Variants in MACROD2 observed in about 807,000 individuals in gnomAD.
MACROD2 encodes the protein ADP-ribose glycohydrolase MACROD2.
A neutral mutation model predicts 70.4 loss-of-function variants in MACROD2; 36 were observed. That is an observed-to-expected ratio of 0.51 (90% CI 0.39 to 0.68). MACROD2 has a LOEUF of 0.68. Ranked by LOEUF, MACROD2 falls within the 30% of genes least tolerant of loss-of-function variation. The pLI, the probability that MACROD2 is intolerant of heterozygous loss-of-function variation, is 0.00. For synonymous variants in MACROD2, 172 were observed against 178.8 expected, an observed-to-expected ratio of 0.96 and a Z score of 0.30; for missense variants, 496 against 538.4, an observed-to-expected ratio of 0.92 and a Z score of 0.78.
chr20:15,642,231 G>A (rs775228138), intron 8 of MACROD2, among the ~76,000 whole-genome samples: 2 of 152,170 alleles, frequency 1.3e-5, no homozygotes, highest in African/African-American at 2.4e-5. Flanking sequence ...AGGGGATTGT[G>A]GCAATAGTTC....
chr20:14,932,499 C>T (rs1233465819), intron 5 of MACROD2, among the ~76,000 whole-genome samples: 1 of 152,158 alleles, frequency 6.6e-6, no homozygotes, highest in African/African-American at 2.4e-5. Flanking sequence ...TCCATACAAA[C>T]ACTTCCATTT....
intron 5 of MACROD2, among the ~76,000 whole-genome samples, chr20:15,095,544 G>T (rs541517859): frequency 6.6e-6 from 1 of 151,858 alleles, no homozygotes; most frequent in South Asian, 2.1e-4. Context: ...TTGAGACAGG[G>T]TCTTGCTCTG....
At chr20:14,214,925 C>T (rs1162718615) in intron 3 of MACROD2, among the ~76,000 whole-genome samples, 1 of 151,586 alleles carries the variant, frequency 6.6e-6, no homozygotes, top group Non-Finnish European at 1.5e-5. Flanking sequence ...ACTGCAAATG[C>T]TGTTAATTCA....
At chr20:15,206,881 C>A (rs1179638076) in intron 5 of MACROD2, among the ~76,000 whole-genome samples, 1 of 150,660 alleles carries the variant, frequency 6.6e-6, no homozygotes, top group Non-Finnish European at 1.5e-5. Context: ...GGACTACAGG[C>A]GCCCGCCACC....
At chr20:14,575,017 CAAAAAAAAA>C (rs1195216470) in intron 4 of MACROD2, among the ~76,000 whole-genome samples, 6 of 49,956 alleles carry the variant, frequency 1.2e-4, no homozygotes, top group Admixed American at 4.7e-4. Context: ...GACTCTGTCT[CAAAAAAAAA>C]AAAAAAAAAA....
intron 8 of MACROD2, among the ~76,000 whole-genome samples, chr20:15,661,601 C>A (rs752281551): frequency 3.9e-5 from 6 of 152,112 alleles, no homozygotes; most frequent in Non-Finnish European, 7.4e-5. Flanking sequence ...TTCTACACTG[C>A]GGTACTGGGG....
chr20:15,737,562 G>T (rs914697479), intron 8 of MACROD2, among the ~76,000 whole-genome samples: 27 of 152,172 alleles, frequency 1.8e-4, no homozygotes, highest in African/African-American at 6.0e-4. Flanking sequence ...AAATGTTCAG[G>T]TCCATTTGTT....
At chr20:15,341,892 A>T (rs984696791) in intron 6 of MACROD2, among the ~76,000 whole-genome samples, 7 of 152,114 alleles carry the variant, frequency 4.6e-5, no homozygotes, top group African/African-American at 1.4e-4. Context: ...CTCTACAAAA[A>T]TTTTTTAAAA....
chr20:15,572,146 G>T (rs1418719899), intron 8 of MACROD2, among the ~76,000 whole-genome samples: 1 of 152,016 alleles, frequency 6.6e-6, no homozygotes, highest in Non-Finnish European at 1.5e-5. Context: ...GCTTTTCACT[G>T]TACAAATATG....
chr20:15,879,241 C>T (rs969984314), intron 9 of MACROD2, among the ~76,000 whole-genome samples: 56 of 152,114 alleles, frequency 3.7e-4, no homozygotes, highest in African/African-American at 1.3e-3. Context: ...TTTAAAAGGG[C>T]TGCAACTCTG....
intron 10 of MACROD2, among the ~76,000 whole-genome samples, chr20:15,897,865 C>T (rs1376353310): frequency 6.6e-6 from 1 of 152,066 alleles, no homozygotes; most frequent in African/African-American, 2.4e-5. Context: ...GTTATTTCCT[C>T]GTGTATTTTG....
chr20:15,162,182 A>T (rs383066), intron 5 of MACROD2, among the ~76,000 whole-genome samples: 2 of 151,808 alleles, frequency 1.3e-5, no homozygotes, highest in African/African-American at 4.8e-5. Flanking sequence ...AAAGTAAAGG[A>T]GATCCCCAAG....
At chr20:14,387,209 T>A (rs1395330444) in intron 3 of MACROD2, among the ~76,000 whole-genome samples, 1 of 152,224 alleles carries the variant, frequency 6.6e-6, no homozygotes, top group Admixed American at 6.5e-5. Context: ...GTGCCATACT[T>A]TTCTGTTTCT....
In MACROD2 at chr20:15,590,632, C is replaced by T. The variant is rs376813594; in HGVS notation, c.645+90785C>T. On this transcript the variant is annotated intron_variant, in intron 8 of 17. Transcript: ENST00000684519. ...GCACGGTGGCTCACGCCTGTAATCC[C>T]AGCACTTTGGGAGGCCGAGGCAGGT... 1.3e-4 allele frequency among the ~76,000 whole-genome samples: 20 copies of T among 152,242 alleles called. No individual in the cohort carries two copies. The East Asian group carries it at 2.5e-3, about 19-fold the overall frequency.
At chr20:15,238,366 A>C (rs1359706188) in intron 6 of MACROD2, among the ~76,000 whole-genome samples, 1 of 152,080 alleles carries the variant, frequency 6.6e-6, no homozygotes, top group East Asian at 1.9e-4. Context: ...GTGTTGTGTC[A>C]CCTTAGTTAA....
rs371278497 is a variant in MACROD2, at chr20:15,191,927, T to TAGAG, written c.419-38012_419-38011insGAGA. On this transcript the variant is annotated intron_variant, in intron 5 of 17. Transcript: ENST00000684519. ...AACTACACATATGTGTATATATATA[T>TAGAG]ATATAGAGAGAGAGAGAGTTAATAC... 3.2e-4 allele frequency among the ~76,000 whole-genome samples: 17 copies of TAGAG among 53,586 alleles called. No individual in the cohort carries two copies. The East Asian group carries it at 0.017, about 54-fold the overall frequency. 35.2% of individuals were successfully genotyped at this position (53,586 alleles called of 152,430 possible). A position where few individuals can be genotyped will look rare whatever the true frequency, so the allele number is the denominator to read the frequency against.
At chr20:16,009,714 G>A (rs1466045509) in intron 15 of MACROD2, among the ~76,000 whole-genome samples, 5 of 151,936 alleles carry the variant, frequency 3.3e-5, no homozygotes, top group Non-Finnish European at 2.9e-5. Context: ...CTGAGATCTT[G>A]CCACTGCACT....
chr20:14,289,833 G>A (rs2082371678), intron 3 of MACROD2, among the ~76,000 whole-genome samples: 1 of 152,158 alleles, frequency 6.6e-6, no homozygotes, highest in African/African-American at 2.4e-5. Context: ...GTGCCACCAT[G>A]CCTGACTCTG....
chr20:15,611,425 C>T (rs1325917090), intron 8 of MACROD2, among the ~76,000 whole-genome samples: 1 of 152,086 alleles, frequency 6.6e-6, no homozygotes, highest in Non-Finnish European at 1.5e-5. Flanking sequence ...GGCATATATG[C>T]TCTGGCCATT....
Sources: allele counts gnomAD v4.1 joint callset (sites outside exome capture counted in the v4.1 genomes callset), GRCh38; gene constraint gnomAD v4.1.1; transcripts MANE v1.5; gene names NCBI Gene and HGNC (gene_info 2026-07-23, HGNC 2026-07-21).